Variants in GRIP2 observed in about 807,000 individuals in gnomAD.
GRIP2 encodes the protein glutamate receptor interacting protein 2.
A neutral mutation model predicts 108.3 loss-of-function variants in GRIP2; 58 were observed. That is an observed-to-expected ratio of 0.54 (90% CI 0.43 to 0.67). The LOEUF is 0.67. GRIP2 is among the 30% of genes least tolerant of loss of function. GRIP2 has a pLI of 0.00. For synonymous variants in GRIP2, 586 were observed against 598.2 expected, an observed-to-expected ratio of 0.98 and a Z score of 0.30; for missense variants, 1,278 against 1,430.6, an observed-to-expected ratio of 0.89 and a Z score of 1.72.
upstream of GRIP2, among the ~76,000 whole-genome samples, chr3:14,557,688 C>A (rs1192883017): frequency 6.6e-6 from 1 of 152,250 alleles, no homozygotes; most frequent in Admixed American, 6.5e-5. Context: ...ACTGCCATAG[C>A]CCCTGTCCCA....
rs1693911496 is a variant in GRIP2, at chr3:14,505,842, T to C, written c.2399-53A>G. ...TCCCTGCGGCCTCACCTTGCCCTCC[T>C]GCCTGCCCCATTTCCAGCTGTGCTG... On this transcript the variant is annotated intron_variant, in intron 19 of 23. Coordinates refer to ENST00000621039, the MANE Select transcript of GRIP2 (RefSeq NM_001080423.4). The surrounding 1 kb of genome is among the most constrained non-coding windows in gnomAD (Gnocchi z 4.2). 1.4e-6 allele frequency: 2 copies of C among 1,446,116 alleles called. No individual in the cohort carries two copies. The highest frequency in any genetic ancestry group is 2.9e-5 in the South Asian group (2 of 68,574). The allele number at this position is 1,446,116 out of a possible 1,614,324, so 89.6% of individuals were successfully genotyped here. A position where few individuals can be genotyped will look rare whatever the true frequency, so the allele number is the denominator to read the frequency against.
chr3:14,573,925 G>T, the GRIP2 span: 2 of 1,112,902 alleles, frequency 1.8e-6, no homozygotes, highest in Non-Finnish European at 2.7e-6. Flanking sequence ...CAGGCCGAGT[G>T]CTTCTCGTGC....
At chr3:14,497,177 G>C (rs1019696908) in intron 21 of GRIP2, among the ~76,000 whole-genome samples, 2 of 151,944 alleles carry the variant, frequency 1.3e-5, no homozygotes, top group African/African-American at 2.4e-5. Flanking sequence ...GTGTTGATCA[G>C]GCTGGTTTCG....
chr3:14,507,610 C>T lies in GRIP2; in HGVS notation c.2169G>A (p.Leu723=). ...GRPLSEAIHL[L]QVAGETVTLK... The stretch of plus-strand genomic sequence containing the variant: ...GTGTGACGGTCTCTCCAGCCACCTG[C>T]AGGAGGTGGATGGCCTCGCTCAGCG... The change falls in exon 18 of 24, where the codon CTG becomes CTA. Residue 723 remains leucine, a synonymous_variant. Transcript: ENST00000621039. The surrounding 1 kb of genome is among the most constrained non-coding windows in gnomAD (Gnocchi z 4.6). 1 of 1,614,018 alleles carries T rather than the reference C, an allele frequency of 6.2e-7. No homozygotes were observed. The highest frequency in any genetic ancestry group is 8.5e-7 in the Non-Finnish European group (1 of 1,179,886).
At chr3:14,563,809 T>C in the GRIP2 span, among the ~76,000 whole-genome samples, 1 of 152,076 alleles carries the variant, frequency 6.6e-6, no homozygotes, top group Admixed American at 6.5e-5. Flanking sequence ...TTTTTAAGCT[T>C]CCCCAGTGAT....
At chr3:14,577,872 T>G in the GRIP2 span, among the ~76,000 whole-genome samples, 1 of 152,210 alleles carries the variant, frequency 6.6e-6, no homozygotes. Flanking sequence ...GGTCCCCACC[T>G]CAATGGGCTG....
chr3:14,555,956 G>A, exon 1 of GRIP2: 2 of 399,678 alleles, frequency 5.0e-6, no homozygotes, highest in Non-Finnish European at 8.8e-6. Context: ...CGCCAGCATT[G>A]TGCCCTCCTG....
the GRIP2 span, among the ~76,000 whole-genome samples, chr3:14,584,726 C>T: frequency 4.6e-5 from 7 of 152,158 alleles, no homozygotes; most frequent in African/African-American, 1.7e-4. Flanking sequence ...AGCCCTAGAA[C>T]ACCTGCCTCT....
At chr3:14,598,225 C>T in the GRIP2 span, among the ~76,000 whole-genome samples, 1 of 151,910 alleles carries the variant, frequency 6.6e-6, no homozygotes. Flanking sequence ...CCTCTGCTTG[C>T]GGTTCTGACA....
At chr3:14,573,849 G>T in the GRIP2 span, 1 of 1,405,170 alleles carries the variant, frequency 7.1e-7, no homozygotes, top group Non-Finnish European at 1.0e-6. Context: ...CACCCACATT[G>T]CCAGCATGGG....
chr3:14,519,845 T>C (rs952860539), intron 9 of GRIP2, among the ~76,000 whole-genome samples: 1 of 148,090 alleles, frequency 6.8e-6, no homozygotes, highest in Admixed American at 6.8e-5. Context: ...CTAGCCCTTA[T>C]ACTCCTATTA....
At position 14,522,588 on chromosome 3, in the gene GRIP2, G is replaced by A. The variant is rs971274268; in HGVS notation, c.566+412C>T. The A allele has an allele frequency of 1.8e-5, 3 of 164,514 alleles. No individual in the cohort carries two copies. Among genetic ancestry groups the A allele is most frequent in the East Asian group, 1.8e-4 (1 of 5,472 alleles). The allele number at this position is 164,514 out of a possible 1,614,324, so 10.2% of individuals were successfully genotyped here. A position where few individuals can be genotyped will look rare whatever the true frequency, so the allele number is the denominator to read the frequency against. On this transcript the variant is annotated intron_variant, in intron 6 of 23. Transcript: ENST00000621039. The surrounding 1 kb of genome is among the most constrained non-coding windows in gnomAD (Gnocchi z 4.3). ...TGGCCCTTCTGGGCTGGGCCCAGGCGGGGCCGAGCTGGGTCGATCAGCCAG... is the reference window on the plus strand; with the variant it reads ...TGGCCCTTCTGGGCTGGGCCCAGGCAGGGCCGAGCTGGGTCGATCAGCCAG...
rs1271731206 is a variant in GRIP2 at position 14,490,959 on chromosome 3, T to C, written c.*2706A>G. The C allele has an allele frequency of 2.0e-5, 3 of 152,258 alleles. No homozygotes were observed. The highest frequency in any genetic ancestry group is 4.4e-5 in the Non-Finnish European group (3 of 68,056). 9.4% of individuals were successfully genotyped at this position (152,258 alleles called of 1,614,324 possible). ...CCTTTTGAAATAATTATTTATTTGC[T>C]TACTTGTTGATTGTCTGCCTGCCAC... On this transcript the variant is annotated 3_prime_UTR_variant, in exon 24 of 24. Coordinates refer to ENST00000621039, the MANE Select transcript of GRIP2 (RefSeq NM_001080423.4).
At position 14,505,021 on chromosome 3, in the gene GRIP2, C is replaced by A. The variant is rs565044581; in HGVS notation, c.2573+594G>T. 3.8e-4 allele frequency among the ~76,000 whole-genome samples: 58 copies of A among 152,286 alleles called. 1 individual carries two copies. The South Asian group carries it at 0.011, about 28-fold the overall frequency. ...AGGAATCCCTTCTGCCTGAGAAAGA[C>A]AGGGAAGCTTCCCAGAGGCAGGAGA... On this transcript the variant is annotated intron_variant, in intron 20 of 23. Transcript: ENST00000621039. The surrounding 1 kb of genome is among the most constrained non-coding windows in gnomAD (Gnocchi z 4.2).
At chr3:14,567,465 C>G in the GRIP2 span, among the ~76,000 whole-genome samples, 5 of 152,008 alleles carry the variant, frequency 3.3e-5, no homozygotes, top group African/African-American at 9.7e-5. Flanking sequence ...GACATGGCAT[C>G]CCAGGAAACA....
At chr3:14,546,792 A>G (rs918638475), upstream of GRIP2, among the ~76,000 whole-genome samples, 3 of 152,218 alleles carry the variant, frequency 2.0e-5, no homozygotes, top group Non-Finnish European at 2.9e-5. Context: ...AATGCTGGAA[A>G]TGCAGACAAA....
At chr3:14,539,458 G>A (rs62233601) in intron 1 of GRIP2, among the ~76,000 whole-genome samples, 16,678 of 152,100 alleles carry the variant, frequency 0.11, 1,109 homozygotes, top group Non-Finnish European at 0.15. Flanking sequence ...ATCCCAGCTC[G>A]GCCACTGCCC....
At chr3:14,523,210 T>C in intron 5 of GRIP2, 135 bp from the exon 6 acceptor site, 2 of 673,730 alleles carry the variant, frequency 3.0e-6, no homozygotes, top group Non-Finnish European at 5.2e-6. Context: ...TGGACCCTCT[T>C]ATGAGACACC....
chr3:14,599,679 C>CTGTGTGTGTGTGTGTG, the GRIP2 span, among the ~76,000 whole-genome samples: 30 of 107,068 alleles, frequency 2.8e-4, no homozygotes, highest in African/African-American at 1.1e-3. Flanking sequence ...CTCTCTCTCT[C>CTGTGTGTGTGTGTGTG]TCTCTCTGTG....
Sources: allele counts gnomAD v4.1 joint callset (sites outside exome capture counted in the v4.1 genomes callset), GRCh38; gene constraint gnomAD v4.1.1; non-coding constraint Gnocchi (gnomAD v3.1); transcripts MANE v1.5; gene names NCBI Gene and HGNC (gene_info 2026-07-23, HGNC 2026-07-21).